MAD1L1: variants seen among roughly 807,000 people sequenced by gnomAD.
MAD1L1 encodes mitotic spindle assembly checkpoint protein MAD1.
In MAD1L1, 95 loss-of-function variants were observed where a neutral mutation model predicts 96.9. The observed-to-expected ratio is 0.98, with a 90% CI of 0.83 to 1.16. The LOEUF is 1.16. MAD1L1 is among the 50% of genes most tolerant of loss of function. The pLI is 0.00. For missense variants in MAD1L1, 1,007 were observed against 954.4 expected, an observed-to-expected ratio of 1.06 and a Z score of -0.73; for synonymous variants, 473 against 396.6, an observed-to-expected ratio of 1.19 and a Z score of -2.29.
chr7:1,945,245 G>T (rs142037266), intron 16 of MAD1L1, among the ~76,000 whole-genome samples: 1 of 152,212 alleles, frequency 6.6e-6, no homozygotes, highest in Non-Finnish European at 1.5e-5. Flanking sequence ...CGTCCTCCAC[G>T]CCAGAAGTCC....
intron 11 of MAD1L1, among the ~76,000 whole-genome samples, chr7:2,137,472 C>A (rs896484008): frequency 6.6e-6 from 1 of 152,182 alleles, no homozygotes; most frequent in African/African-American, 2.4e-5. Context: ...GGCATGTTAC[C>A]GGTCTGCTTG....
intron 17 of MAD1L1, among the ~76,000 whole-genome samples, chr7:1,909,063 G>C (rs926621345): frequency 6.6e-6 from 1 of 152,234 alleles, no homozygotes; most frequent in Admixed American, 6.5e-5. Context: ...TGGGAACACA[G>C]GGCAGGAGGG....
intron 12 of MAD1L1, among the ~76,000 whole-genome samples, chr7:2,017,047 C>CAGA (rs1270743176): frequency 9.2e-5 from 14 of 152,254 alleles, no homozygotes; most frequent in Admixed American, 8.5e-4. Context: ...CGGCTCTCTT[C>CAGA]AGCCTAACTC....
chr7:2,135,626 C>T (rs1459738782), intron 11 of MAD1L1, among the ~76,000 whole-genome samples: 1 of 152,214 alleles, frequency 6.6e-6, no homozygotes. Flanking sequence ...CAGAGGAAGG[C>T]TCAGGTGGTG....
intron 13 of MAD1L1, among the ~76,000 whole-genome samples, chr7:2,012,496 G>A (rs1782347643): frequency 6.6e-6 from 1 of 152,250 alleles, no homozygotes; most frequent in Non-Finnish European, 1.5e-5. Context: ...GCCGGAGCTA[G>A]CCTTTCCCGT....
intron 18 of MAD1L1, among the ~76,000 whole-genome samples, chr7:1,818,764 G>A (rs1039726187): frequency 4.6e-5 from 7 of 151,214 alleles, no homozygotes; most frequent in Admixed American, 1.3e-4. Flanking sequence ...ATGGTAGGCC[G>A]GGCAACCCAC....
intron 10 of MAD1L1, among the ~76,000 whole-genome samples, chr7:2,152,574 CT>C (rs1432115880): frequency 6.6e-6 from 1 of 152,170 alleles, no homozygotes; most frequent in Non-Finnish European, 1.5e-5. Context: ...GTCTACTCTA[CT>C]TGCAGAGACA....
chr7:1,981,795 C>G (rs1314359077), intron 14 of MAD1L1, among the ~76,000 whole-genome samples: 1 of 152,206 alleles, frequency 6.6e-6, no homozygotes, highest in Admixed American at 6.5e-5. Flanking sequence ...AAAAAAGGCA[C>G]TGGGGCAGGG....
At chr7:2,191,271 C>G (rs907793768) in intron 10 of MAD1L1, among the ~76,000 whole-genome samples, 94 of 152,304 alleles carry the variant, frequency 6.2e-4, no homozygotes, top group African/African-American at 2.2e-3. Flanking sequence ...GTTACCTCCA[C>G]CTGCCACTAG....
chr7:2,193,116 C>A (rs1791806653), intron 10 of MAD1L1: 1 of 152,388 alleles, frequency 6.6e-6, no homozygotes, highest in Non-Finnish European at 1.5e-5. Context: ...GGTGGAGCCT[C>A]TTCCCAGGGG....
At chr7:2,033,041 G>A (rs1399226019) in intron 12 of MAD1L1, among the ~76,000 whole-genome samples, 1 of 152,246 alleles carries the variant, frequency 6.6e-6, no homozygotes, top group Non-Finnish European at 1.5e-5. Flanking sequence ...GTGGGCTGAG[G>A]ACACCCAGCT....
intron 11 of MAD1L1, among the ~76,000 whole-genome samples, chr7:2,139,033 A>G (rs2128573041): frequency 6.6e-6 from 1 of 152,300 alleles, no homozygotes; most frequent in South Asian, 2.1e-4. Context: ...CAGCAGGACA[A>G]GCGGTCTTCC....
intron 11 of MAD1L1, among the ~76,000 whole-genome samples, chr7:2,081,666 A>G (rs1438400409): frequency 6.6e-6 from 1 of 152,218 alleles, no homozygotes; most frequent in African/African-American, 2.4e-5. Flanking sequence ...TCCTCCACAC[A>G]GGGGTCCGCC....
At chr7:2,097,200 C>A (rs1786537434) in intron 11 of MAD1L1, among the ~76,000 whole-genome samples, 1 of 151,748 alleles carries the variant, frequency 6.6e-6, no homozygotes, top group African/African-American at 2.4e-5. Context: ...CAGGCACGCG[C>A]TCACCCCTCT....
intron 18 of MAD1L1, chr7:1,847,889 T>C (rs574690498): frequency 9.6e-5 from 35 of 364,732 alleles, no homozygotes; most frequent in South Asian, 6.9e-4. Flanking sequence ...TGACCTGCAA[T>C]GCTCCCACTC....
intron 18 of MAD1L1, among the ~76,000 whole-genome samples, chr7:1,888,937 G>A (rs1786362772): frequency 6.6e-6 from 1 of 152,234 alleles, no homozygotes; most frequent in South Asian, 2.1e-4. Context: ...AGTTCTCACT[G>A]ATGAGCCATG....
At chr7:1,937,000 G>A (rs1246793677) in intron 16 of MAD1L1, 103 bp from the exon 17 acceptor site, 2 of 851,146 alleles carry the variant, frequency 2.3e-6, no homozygotes, top group Non-Finnish European at 1.8e-6. Flanking sequence ...ACACAGCACG[G>A]GTCACACACA....
chr7:2,221,010 G>A (rs1482068142), intron 5 of MAD1L1: 1 of 1,612,318 alleles, frequency 6.2e-7, no homozygotes, highest in Non-Finnish European at 8.5e-7. Context: ...TAAGGAGCGT[G>A]ACAATCAGGA....
At chr7:1,875,320 A>G (rs1178867848) in intron 18 of MAD1L1, among the ~76,000 whole-genome samples, 1 of 152,200 alleles carries the variant, frequency 6.6e-6, no homozygotes, top group African/African-American at 2.4e-5. Flanking sequence ...CTCACAGGGA[A>G]GCAGAAGCCG....
Sources: allele counts gnomAD v4.1 joint callset (sites outside exome capture counted in the v4.1 genomes callset), GRCh38; gene constraint gnomAD v4.1.1; transcripts MANE v1.5; gene names NCBI Gene and HGNC (gene_info 2026-07-23, HGNC 2026-07-21).